The following ARB2A variants were observed in gnomAD, a reference collection of about 807,000 sequenced individuals.
ARB2A encodes the protein cotranscriptional regulator ARB2A.
chr5:93,975,198 T>A, the ARB2A span, among the ~76,000 whole-genome samples: 1 of 150,810 alleles, frequency 6.6e-6, no homozygotes, highest in African/African-American at 2.4e-5. Flanking sequence ...CACCTTGTAG[T>A]CCCAGCTACT....
At chr5:93,930,619 TAAG>T in the ARB2A span, among the ~76,000 whole-genome samples, 1 of 152,190 alleles carries the variant, frequency 6.6e-6, no homozygotes, top group Admixed American at 6.5e-5. Flanking sequence ...AGAGGTGATG[TAAG>T]AAGAGCACCA....
At chr5:94,004,660 T>A in the ARB2A span, among the ~76,000 whole-genome samples, 2 of 151,798 alleles carry the variant, frequency 1.3e-5, no homozygotes, top group African/African-American at 4.8e-5. Flanking sequence ...GCTGGGAGAA[T>A]ACACAATCAA....
chr5:93,797,003 T>C, the ARB2A span, among the ~76,000 whole-genome samples: 6 of 152,172 alleles, frequency 3.9e-5, no homozygotes, highest in Admixed American at 2.6e-4. Context: ...AACATGTATA[T>C]ACACTACATG....
the ARB2A span, among the ~76,000 whole-genome samples, chr5:93,649,846 A>G: frequency 6.6e-6 from 1 of 152,216 alleles, no homozygotes; most frequent in African/African-American, 2.4e-5. Flanking sequence ...TGTTTACCCT[A>G]AAGTTAAGGG....
At chr5:93,963,368 A>G in the ARB2A span, among the ~76,000 whole-genome samples, 1 of 152,148 alleles carries the variant, frequency 6.6e-6, no homozygotes, top group South Asian at 2.1e-4. Context: ...ACAGAATAAT[A>G]TTTTATTGAC....
At chr5:93,765,123 C>T in the ARB2A span, among the ~76,000 whole-genome samples, 2 of 152,114 alleles carry the variant, frequency 1.3e-5, no homozygotes, top group Non-Finnish European at 2.9e-5. Context: ...CATTCCCTTG[C>T]AAAACTGGCG....
At chr5:93,801,279 T>G in the ARB2A span, among the ~76,000 whole-genome samples, 2 of 152,148 alleles carry the variant, frequency 1.3e-5, no homozygotes, top group Non-Finnish European at 2.9e-5. Flanking sequence ...TATTTATTTG[T>G]GAGAACCAAT....
chr5:93,959,476 A>G, the ARB2A span, among the ~76,000 whole-genome samples: 1 of 152,114 alleles, frequency 6.6e-6, no homozygotes, highest in African/African-American at 2.4e-5. Flanking sequence ...CCTATAATAA[A>G]AAATAGAAAA....
At chr5:93,939,580 T>C in the ARB2A span, among the ~76,000 whole-genome samples, 4 of 152,228 alleles carry the variant, frequency 2.6e-5, no homozygotes, top group East Asian at 1.9e-4. Context: ...CAAAGCTGTA[T>C]TGCCTACTTA....
At chr5:93,894,015 A>T in the ARB2A span, among the ~76,000 whole-genome samples, 1 of 152,324 alleles carries the variant, frequency 6.6e-6, no homozygotes, top group Admixed American at 6.5e-5. Flanking sequence ...CAATGTATAG[A>T]CAAACACTTA....
chr5:94,074,628 A>G, the ARB2A span: 1 of 1,588,558 alleles, frequency 6.3e-7, no homozygotes, highest in East Asian at 2.2e-5. Flanking sequence ...TTCCTGAAAA[A>G]GCAAATTAAG....
At chr5:94,028,590 G>A in the ARB2A span, among the ~76,000 whole-genome samples, 1 of 152,128 alleles carries the variant, frequency 6.6e-6, no homozygotes, top group Non-Finnish European at 1.5e-5. Flanking sequence ...CCTCCTTCAA[G>A]CTTCCTAAAA....
At chr5:93,642,045 A>C in the ARB2A span, among the ~76,000 whole-genome samples, 2 of 151,400 alleles carry the variant, frequency 1.3e-5, no homozygotes, top group Non-Finnish European at 2.9e-5. Context: ...TGCAGTGGAG[A>C]TCATGGCTCA....
the ARB2A span, among the ~76,000 whole-genome samples, chr5:93,900,474 G>T: frequency 6.6e-6 from 1 of 152,024 alleles, no homozygotes; most frequent in Non-Finnish European, 1.5e-5. Context: ...AGCCAGGCTT[G>T]GTGGTGCGCA....
chr5:93,678,908 G>A, the ARB2A span, among the ~76,000 whole-genome samples: 2 of 152,102 alleles, frequency 1.3e-5, no homozygotes, highest in African/African-American at 4.8e-5. Context: ...ATTGTGTGTT[G>A]GTTTTCACTT....
chr5:93,916,646 A>G, the ARB2A span, among the ~76,000 whole-genome samples: 1 of 152,240 alleles, frequency 6.6e-6, no homozygotes, highest in East Asian at 1.9e-4. Flanking sequence ...AGCTCTGAGC[A>G]TTAGATAGCT....
the ARB2A span, among the ~76,000 whole-genome samples, chr5:93,950,788 C>T: frequency 5.3e-5 from 8 of 150,732 alleles, no homozygotes; most frequent in African/African-American, 2.0e-4. Flanking sequence ...ACTAAAAATA[C>T]AAAAAATTAG....
chr5:93,747,326 C>A, the ARB2A span, among the ~76,000 whole-genome samples: 1,172 of 152,096 alleles, frequency 7.7e-3, 22 homozygotes, highest in Non-Finnish European at 6.1e-3. Flanking sequence ...AGTTTGAGGC[C>A]TCTGAGAATT....
the ARB2A span, among the ~76,000 whole-genome samples, chr5:94,082,592 G>A: frequency 6.6e-6 from 1 of 152,224 alleles, no homozygotes; most frequent in South Asian, 2.1e-4. Flanking sequence ...AGTATCTACT[G>A]ACAGTGCACT....
Sources: allele counts gnomAD v4.1 joint callset (sites outside exome capture counted in the v4.1 genomes callset), GRCh38; gene constraint gnomAD v4.1.1; transcripts MANE v1.5; gene names NCBI Gene and HGNC (gene_info 2026-07-23, HGNC 2026-07-21).